MROH1: variants seen among roughly 807,000 people sequenced by gnomAD.
MROH1 encodes maestro heat-like repeat-containing protein family member 1.
In MROH1, 117 loss-of-function variants were observed where a neutral mutation model predicts 116.5. The ratio of observed to expected loss-of-function variants is 1.00; its 90% confidence interval spans 0.86 to 1.17. The LOEUF is 1.17. Among genes scored for constraint, MROH1 ranks in the 50% most tolerant of loss-of-function variants. The pLI, the probability that MROH1 is intolerant of heterozygous loss-of-function variation, is 0.00. For synonymous variants in MROH1, 921 were observed against 583.9 expected, an observed-to-expected ratio of 1.58 and a Z score of -8.32; for missense variants, 1,873 against 1,338.5, an observed-to-expected ratio of 1.40 and a Z score of -6.23.
chr8:144,218,467 G>A (rs1239313763), intron 12 of MROH1, among the ~76,000 whole-genome samples: 1 of 151,856 alleles, frequency 6.6e-6, no homozygotes, highest in African/African-American at 2.4e-5. Flanking sequence ...GTGGGTGTTG[G>A]CCCTTGAGAT....
At chr8:144,251,955 C>T (rs1842906513) in intron 33 of MROH1, 2 of 232,714 alleles carry the variant, frequency 8.6e-6, no homozygotes, top group African/African-American at 2.4e-5. Context: ...CCAGGTAGTG[C>T]CGGGTGCTGC....
chr8:144,170,392 A>C (rs1822141016), intron 4 of MROH1, among the ~76,000 whole-genome samples: 1 of 152,140 alleles, frequency 6.6e-6, no homozygotes, highest in African/African-American at 2.4e-5. Context: ...GGAAGCACTG[A>C]CCCTGTGGGC....
Position 144,260,251 on chromosome 8 carries a change from T to A in MROH1, c.4257T>A (p.Pro1419=), listed in dbSNP as rs1554835052. The change falls in exon 39 of 44, where the codon CCT becomes CCA. Residue 1419 remains proline (P), a synonymous_variant. Transcript: ENST00000326134. ...GCGGGCTGGACGACGGGGACAACCC[T>A]CACAGCCCAGTGGCCCTGGAGGCCA... The part of the protein sequence containing the change: ...MIGGLDDGDN[P]HSPVALEAML... The A allele has an allele frequency of 2.0e-5, 15 of 766,286 alleles. No individual in the cohort carries two copies. In the East Asian group the frequency reaches 3.6e-4, roughly 19 times the overall value. 47.5% of individuals were successfully genotyped at this position (766,286 alleles called of 1,614,324 possible). A position where few individuals can be genotyped will look rare whatever the true frequency, so the allele number is the denominator to read the frequency against.
Position 144,180,077 on chromosome 8 carries a change from G to A in MROH1, c.301-101G>A. The A allele has an allele frequency of 6.9e-7, 1 of 1,451,086 alleles. No individual in the cohort carries two copies. Among genetic ancestry groups the A allele is most frequent in the Non-Finnish European group, 9.5e-7 (1 of 1,052,914 alleles). 89.9% of individuals were successfully genotyped at this position (1,451,086 alleles called of 1,614,324 possible). On this transcript the variant is annotated intron_variant, in intron 5 of 43. Transcript: ENST00000326134. This position sits in a 1 kb window ranked among gnomAD's most constrained non-coding sequence, Gnocchi z 7.4. Reference sequence around the variant, plus strand: ...ACCTTCCCTGACCTGCACTTTCTGGGGACGCTGAAAACAGCGTGCGCTTGT... The same window carrying A: ...ACCTTCCCTGACCTGCACTTTCTGGAGACGCTGAAAACAGCGTGCGCTTGT...
chr8:144,245,013 C>T, intron 28 of MROH1, 143 bp from the exon 29 acceptor site: 1 of 696,806 alleles, frequency 1.4e-6, no homozygotes, highest in Admixed American at 2.0e-5. Context: ...CTAAGGCTGG[C>T]ACCACTCTGG....
At chr8:144,156,446 C>T (rs1281439476) in intron 1 of MROH1, among the ~76,000 whole-genome samples, 6 of 151,910 alleles carry the variant, frequency 3.9e-5, no homozygotes, top group South Asian at 2.1e-4. Flanking sequence ...GTGGCTCACA[C>T]CTATAATCCC....
At chr8:144,245,965 T>C (rs1383647885) in intron 29 of MROH1, among the ~76,000 whole-genome samples, 1 of 152,142 alleles carries the variant, frequency 6.6e-6, no homozygotes, top group Admixed American at 6.5e-5. Flanking sequence ...TGGGAGCCAC[T>C]GCACCTGGCC....
intron 10 of MROH1, chr8:144,192,675 G>A (rs891098219): frequency 1.6e-6 from 1 of 625,698 alleles, no homozygotes; most frequent in African/African-American, 1.8e-5. Context: ...AGTACAGGTG[G>A]TCCCAGAGAA....
intron 13 of MROH1, among the ~76,000 whole-genome samples, chr8:144,221,636 G>A (rs557681773): frequency 6.5e-4 from 99 of 152,122 alleles, no homozygotes; most frequent in Non-Finnish European, 1.3e-3. Flanking sequence ...TGCTCCTTAC[G>A]TGTTCCACAC....
Position 144,247,384 on chromosome 8 carries a change from G to A in MROH1, c.2955G>A (p.Gln985=). The part of the protein sequence containing the change: ...RCADLWPATR[Q]EAVDCVYSLL... Reference sequence around the variant, plus strand: ...CGGACCTGTGGCCTGCCACCCGCCAGGAGGCCGTGGACTGTGTCTACTCCC... The same window carrying A: ...CGGACCTGTGGCCTGCCACCCGCCAAGAGGCCGTGGACTGTGTCTACTCCC... The change falls in exon 30 of 44, where the codon CAG becomes CAA. Residue 985 remains glutamine, a synonymous_variant. Coordinates refer to ENST00000326134, the MANE Select transcript of MROH1 (RefSeq NM_032450.3). 2 of 771,114 alleles carry A rather than the reference G, an allele frequency of 2.6e-6. No individual in the cohort carries two copies. Among genetic ancestry groups the A allele is most frequent in the Non-Finnish European group, 4.8e-6 (2 of 413,836 alleles). 47.8% of individuals were successfully genotyped at this position (771,114 alleles called of 1,614,324 possible). A position where few individuals can be genotyped will look rare whatever the true frequency, so the allele number is the denominator to read the frequency against.
At chr8:144,162,107 C>T (rs1162497877) in intron 2 of MROH1, among the ~76,000 whole-genome samples, 1 of 140,286 alleles carries the variant, frequency 7.1e-6, no homozygotes, top group Admixed American at 7.3e-5. Context: ...TTTTTTAAGA[C>T]AGAGTCTCAC....
chr8:144,255,746 A>C (rs1843616854), intron 35 of MROH1, 41 bp downstream of exon 35: 2 of 721,554 alleles, frequency 2.8e-6, no homozygotes, highest in Non-Finnish European at 5.2e-6. Context: ...ACTGATTCGG[A>C]AGCACAGGCA....
At chr8:144,187,959 C>T (rs1827612442) in intron 7 of MROH1, among the ~76,000 whole-genome samples, 1 of 151,926 alleles carries the variant, frequency 6.6e-6, no homozygotes, top group African/African-American at 2.4e-5. Context: ...GGTCCTCTTC[C>T]ATGAGGTTGT....
At chr8:144,152,712 A>G (rs1457350916) in intron 1 of MROH1, among the ~76,000 whole-genome samples, 1 of 151,828 alleles carries the variant, frequency 6.6e-6, no homozygotes, top group African/African-American at 2.4e-5. Context: ...ACACCCGGCT[A>G]ATTTTTTGTA....
At position 144,254,870 on chromosome 8, in the gene MROH1, C is replaced by T. The variant is rs1843422734; in HGVS notation, c.3486C>T (p.Val1162=). 1 of 778,156 alleles carries T rather than the reference C, an allele frequency of 1.3e-6. No individual in the cohort carries two copies. Among genetic ancestry groups the T allele is most frequent in the Non-Finnish European group, 2.4e-6 (1 of 417,592 alleles). 48.2% of individuals were successfully genotyped at this position (778,156 alleles called of 1,614,324 possible). ...LAVEPRLAAQ[V]LGLLLEKMSR... is the part of the protein sequence containing the mutation. ...TGGAGCCTCGCCTAGCTGCCCAGGT[C>T]CTGGGGCTGCTGCTGGAGAAGATGA... The change falls in exon 34 of 44, where the codon GTC becomes GTT. Residue 1162 remains valine, a synonymous_variant. Coordinates refer to ENST00000326134, the MANE Select transcript of MROH1 (RefSeq NM_032450.3).
At chr8:144,257,361 C>T (rs1844074318) in intron 35 of MROH1, among the ~76,000 whole-genome samples, 1 of 152,164 alleles carries the variant, frequency 6.6e-6, no homozygotes, top group Non-Finnish European at 1.5e-5. Flanking sequence ...CCAGACCACC[C>T]AGGCACACCC....
In MROH1 at chr8:144,250,350, C is replaced by A; in HGVS notation, c.3412C>A (p.Pro1138Thr). Residue 1138 changes from proline (P) to threonine (T), a missense_variant, in exon 33 of 44, where the codon CCC becomes ACC. Coordinates refer to ENST00000326134, the MANE Select transcript of MROH1 (RefSeq NM_032450.3). ...CGTGGTGTCCAGCCTCCTGGGCAGC[C>A]CCTTGCCCTTGGACAGGTACCCAGC... ...AAVVSSLLGS[P>T]LPLDSHTCML... 2.6e-6 allele frequency: 2 copies of A among 765,216 alleles called. No individual in the cohort carries two copies. The allele number at this position is 765,216 out of a possible 1,614,324, so 47.4% of individuals were successfully genotyped here.
rs782152533 is a variant in MROH1, at chr8:144,234,683, A to AT, written c.1339-4059dup. ...AGGCGCCCACCACCATGTCTGGCTA[A>AT]TTTTTTTTTTTTTTGGTAAAAATGG... On this transcript the variant is annotated intron_variant, in intron 14 of 43. Coordinates refer to ENST00000326134, the MANE Select transcript of MROH1 (RefSeq NM_032450.3). Among the ~76,000 whole-genome samples, 546 of 136,330 alleles carry AT rather than the reference A, an allele frequency of 4.0e-3. 3 individuals carry two copies. Among genetic ancestry groups the AT allele is most frequent in the South Asian group, 9.6e-3 (41 of 4,264 alleles). The allele number at this position is 136,330 out of a possible 152,430, so 89.4% of individuals were successfully genotyped here. A position where few individuals can be genotyped will look rare whatever the true frequency, so the allele number is the denominator to read the frequency against.
chr8:144,154,738 G>C (rs1234339759), intron 1 of MROH1, among the ~76,000 whole-genome samples: 2 of 149,186 alleles, frequency 1.3e-5, no homozygotes, highest in Non-Finnish European at 3.0e-5. Flanking sequence ...CATGATCTCA[G>C]CTTACTGCAA....
Sources: gnomAD v4.1 joint callset for allele counts (sites outside exome capture counted in the v4.1 genomes callset) on GRCh38, gnomAD v4.1.1 for gene constraint, Gnocchi (gnomAD v3.1) non-coding constraint, MANE v1.5 for transcripts, NCBI Gene and HGNC (gene_info 2026-07-23, HGNC 2026-07-21) for gene names.